The following PTPN13 variants were observed in gnomAD, a reference collection of about 807,000 sequenced individuals.
PTPN13 encodes the protein tyrosine-protein phosphatase non-receptor type 13.
Under a neutral mutation model 284.0 loss-of-function variants are expected in PTPN13, and 191 were observed. The observed-to-expected ratio is 0.67, with a 90% CI of 0.60 to 0.76. The LOEUF (loss-of-function observed/expected upper bound fraction) is 0.76, where lower values mean the gene tolerates loss of function less well. Ranked by LOEUF, PTPN13 falls within the 30% of genes least tolerant of loss-of-function variation. The pLI, the probability that PTPN13 is intolerant of heterozygous loss-of-function variation, is 0.00. For missense variants in PTPN13, 2,797 were observed against 2,939.9 expected (o/e 0.95, Z 1.12); for synonymous variants, 986 against 1,022.3 (o/e 0.96, Z 0.68).
rs372138624 is a variant in PTPN13, at chr4:86,621,808, C to A, written c.-5-13444C>A. On this transcript the variant is annotated intron_variant, in intron 1 of 47. Transcript: ENST00000411767. ...AGATAAAGTGAGGCTAGATATTTTT[C>A]TTTTTTTTCTTATTCTTTTCCTTTT... Among the ~76,000 whole-genome samples the A allele has an allele frequency of 3.9e-5, 6 of 151,934 alleles. No individual in the cohort carries two copies. The South Asian group carries it at 6.3e-4, about 16-fold the overall frequency.
At chr4:86,765,343 G>A (rs1739178545) in intron 25 of PTPN13, 52 bp from the exon 26 acceptor site, 9 of 1,414,362 alleles carry the variant, frequency 6.4e-6, no homozygotes, top group South Asian at 1.3e-5. Context: ...ATTTGAAAGA[G>A]AGTGCAAAAT....
intron 46 of PTPN13, among the ~76,000 whole-genome samples, chr4:86,810,697 G>A (rs1256394489): frequency 1.3e-5 from 2 of 152,056 alleles, no homozygotes; most frequent in African/African-American, 4.8e-5. Flanking sequence ...ATCTTTTTTA[G>A]GTTGGAAACA....
intron 1 of PTPN13, among the ~76,000 whole-genome samples, chr4:86,634,744 T>C (rs930533062): frequency 3.3e-5 from 5 of 152,270 alleles, no homozygotes; most frequent in Middle Eastern, 3.4e-3. Context: ...AAATATACAG[T>C]TATAGTATAT....
chr4:86,763,847 C>A (rs1489465852), intron 24 of PTPN13, among the ~76,000 whole-genome samples: 1 of 151,728 alleles, frequency 6.6e-6, no homozygotes, highest in African/African-American at 2.4e-5. Context: ...GAAGCCCAGG[C>A]GATCGAGCCA....
intron 2 of PTPN13, among the ~76,000 whole-genome samples, chr4:86,649,564 C>G (rs2148799053): frequency 6.6e-6 from 1 of 152,214 alleles, no homozygotes; most frequent in Admixed American, 6.5e-5. Flanking sequence ...TCTGGGTTCT[C>G]TATTCTTTTT....
chr4:86,642,857 C>T (rs1723973879), intron 2 of PTPN13, among the ~76,000 whole-genome samples: 1 of 152,082 alleles, frequency 6.6e-6, no homozygotes. Flanking sequence ...CATGTAGGAG[C>T]TCAGTGTTCC....
chr4:86,625,369 C>G (rs1475629080), intron 1 of PTPN13, among the ~76,000 whole-genome samples: 1 of 152,022 alleles, frequency 6.6e-6, no homozygotes, highest in Non-Finnish European at 1.5e-5. Context: ...TATCTACCTT[C>G]TTCTTACTTA....
chr4:86,636,976 A>C (rs747946677), intron 2 of PTPN13, among the ~76,000 whole-genome samples: 6,424 of 151,688 alleles, frequency 0.042, 186 homozygotes, highest in Non-Finnish European at 0.05. Flanking sequence ...AATAGACGCA[A>C]TAAAAAATGA....
intron 15 of PTPN13, among the ~76,000 whole-genome samples, chr4:86,740,616 C>T (rs1736071375): frequency 6.6e-6 from 1 of 152,158 alleles, no homozygotes; most frequent in Non-Finnish European, 1.5e-5. Context: ...ACCTTTTCCC[C>T]ATTGTCTTGG....
At position 86,717,115 on chromosome 4, in the gene PTPN13, G is replaced by A. The variant is rs764178386; in HGVS notation, c.1383G>A (p.Pro461=). The A allele has an allele frequency of 1.6e-5, 25 of 1,604,574 alleles. No homozygotes were observed. The African/African-American group carries it at 2.1e-4, about 14-fold the overall frequency. The change falls in exon 9 of 48, where the codon CCG becomes CCA. Residue 461 remains proline (P), a splice_region_variant and synonymous_variant. Transcript: ENST00000411767. ...ETLSQGQSQR[P]SRQYETPFEG... ...TAAGTCAAGGCCAGTCACAGAGACC[G>A]AGGTATGTCATGAAAAAGTAGTGAT...
At chr4:86,782,774 T>C (rs1027738434) in intron 37 of PTPN13, among the ~76,000 whole-genome samples, 2 of 152,198 alleles carry the variant, frequency 1.3e-5, no homozygotes, top group Non-Finnish European at 2.9e-5. Flanking sequence ...TGAGAGAGCT[T>C]TAATCATTTA....
intron 10 of PTPN13, among the ~76,000 whole-genome samples, chr4:86,724,956 A>G (rs1179154174): frequency 3.3e-5 from 5 of 151,570 alleles, no homozygotes; most frequent in Non-Finnish European, 7.4e-5. Flanking sequence ...TCCTAATGCT[A>G]TCCCTCCCCC....
At chr4:86,668,177 T>C (rs1727303295) in intron 2 of PTPN13, among the ~76,000 whole-genome samples, 1 of 152,210 alleles carries the variant, frequency 6.6e-6, no homozygotes, top group East Asian at 1.9e-4. Context: ...AGATTTACTC[T>C]TTCATAATAG....
intron 2 of PTPN13, among the ~76,000 whole-genome samples, chr4:86,662,733 T>G (rs2148856413): frequency 6.6e-6 from 1 of 152,368 alleles, no homozygotes. Context: ...AAAGTTTGGA[T>G]ACTCTTCAGG....
chr4:86,631,890 T>A (rs1157914794), intron 1 of PTPN13, among the ~76,000 whole-genome samples: 1 of 152,172 alleles, frequency 6.6e-6, no homozygotes, highest in East Asian at 1.9e-4. Flanking sequence ...GGAAAAACAG[T>A]ATCTTAAGAT....
Position 86,666,679 on chromosome 4 carries a change from G to T in PTPN13, c.116-5686G>T, listed in dbSNP as rs571160928. ...TGGAATTTCAGCCCAGAATGGGAGTGTACCAAATTTTGTAGGCAGGCTTGA... is the reference window on the plus strand; with the variant it reads ...TGGAATTTCAGCCCAGAATGGGAGTTTACCAAATTTTGTAGGCAGGCTTGA... On this transcript the variant is annotated intron_variant, in intron 2 of 47. Coordinates refer to ENST00000411767, the MANE Select transcript of PTPN13 (RefSeq NM_080683.3). Among the ~76,000 whole-genome samples, 6 of 152,322 alleles carry T rather than the reference G, an allele frequency of 3.9e-5. No homozygotes were observed. In the East Asian group the frequency reaches 9.6e-4, roughly 24 times the overall value.
chr4:86,745,204 C>A, intron 17 of PTPN13, 76 bp downstream of exon 17: 1 of 1,357,638 alleles, frequency 7.4e-7, no homozygotes, highest in African/African-American at 1.5e-5. Context: ...AAAAGAACTG[C>A]CATGATTAGG....
intron 35 of PTPN13, among the ~76,000 whole-genome samples, chr4:86,779,406 G>A (rs1359508171): frequency 1.4e-4 from 20 of 146,424 alleles, no homozygotes; most frequent in Admixed American, 2.7e-4. Context: ...GACAGAGCAA[G>A]ACTCCGTCTC....
intron 2 of PTPN13, among the ~76,000 whole-genome samples, chr4:86,664,104 A>G (rs1726807283): frequency 6.6e-6 from 1 of 152,176 alleles, no homozygotes. Context: ...AATACTGTGT[A>G]GATTCCTGTA....
Sources: allele counts gnomAD v4.1 joint callset (sites outside exome capture counted in the v4.1 genomes callset), GRCh38; gene constraint gnomAD v4.1.1; transcripts MANE v1.5; gene names NCBI Gene and HGNC (gene_info 2026-07-23, HGNC 2026-07-21).